SLC30A6: variants seen among roughly 807,000 people sequenced by gnomAD.
SLC30A6 encodes solute carrier family 30 member 6, also known as zinc transporter 6.
In SLC30A6, 55 loss-of-function variants were observed where a neutral mutation model predicts 63.0. The ratio of observed to expected loss-of-function variants is 0.87; its 90% CI spans 0.70 to 1.09. The LOEUF is 1.09. SLC30A6 is among the 50% of genes least tolerant of loss of function. The pLI is 0.00. For synonymous variants in SLC30A6, 224 were observed against 186.1 expected (o/e 1.20, Z -1.66); for missense variants, 587 against 549.2 (o/e 1.07, Z -0.69).
chr2:32,170,744 G>C (rs1172580259), intron 1 of SLC30A6, among the ~76,000 whole-genome samples: 1 of 152,086 alleles, frequency 6.6e-6, no homozygotes, highest in Non-Finnish European at 1.5e-5. Flanking sequence ...TATTACAGGT[G>C]TGCACCACCA....
rs538931209 is a variant in SLC30A6 at position 32,186,139 on chromosome 2, A to G, written c.284+1801A>G. Among the ~76,000 whole-genome samples, 3 of 152,152 alleles carry G rather than the reference A, an allele frequency of 2.0e-5. No homozygotes were observed. In the South Asian group the frequency reaches 6.2e-4, roughly 32 times the overall value. ...AACCTCCACCTACCAGATTCGATCA[A>G]TTCTTATGCCTCAACCTCCAGGGTA... On this transcript the variant is annotated intron_variant, in intron 5 of 13. Coordinates refer to ENST00000282587, the MANE Select transcript of SLC30A6 (RefSeq NM_017964.5).
intron 10 of SLC30A6, among the ~76,000 whole-genome samples, chr2:32,199,190 C>G (rs1184873774): frequency 6.6e-6 from 1 of 152,166 alleles, no homozygotes. Context: ...AATGCTGAAT[C>G]ACATTTTCCA....
At chr2:32,207,739 C>A (rs1450478988) in intron 12 of SLC30A6, among the ~76,000 whole-genome samples, 1 of 121,280 alleles carries the variant, frequency 8.2e-6, no homozygotes, top group Non-Finnish European at 1.6e-5. Flanking sequence ...CTCGCTCTGT[C>A]GCCCAGGCTG....
At chr2:32,205,682 T>TC (rs1222128718) in intron 11 of SLC30A6, among the ~76,000 whole-genome samples, 1 of 148,344 alleles carries the variant, frequency 6.7e-6, no homozygotes, top group African/African-American at 2.5e-5. Flanking sequence ...TTTTTTTTTT[T>TC]TTGAGACAGA....
At chr2:32,208,606 CA>C (rs1320284531) in intron 12 of SLC30A6, among the ~76,000 whole-genome samples, 1 of 149,380 alleles carries the variant, frequency 6.7e-6, no homozygotes, top group Non-Finnish European at 1.5e-5. Context: ...TTTTTTTTTC[CA>C]GGGGGTACAG....
chr2:32,200,382 G>A (rs892772906), intron 10 of SLC30A6, among the ~76,000 whole-genome samples: 1 of 151,922 alleles, frequency 6.6e-6, no homozygotes, highest in African/African-American at 2.4e-5. Flanking sequence ...AACGGGCCAC[G>A]ATGACAATGG....
chr2:32,214,702 T>A (rs1685550348), intron 13 of SLC30A6: 1 of 152,220 alleles, frequency 6.6e-6, no homozygotes, highest in Non-Finnish European at 1.5e-5. Flanking sequence ...TAAAACAAGC[T>A]TTTGAGCTGC....
At chr2:32,205,739 G>A (rs1029181490) in intron 11 of SLC30A6, among the ~76,000 whole-genome samples, 2 of 145,282 alleles carry the variant, frequency 1.4e-5, no homozygotes, top group African/African-American at 5.1e-5. Context: ...CTACACTCAG[G>A]TCACTGCAAC....
intron 7 of SLC30A6, among the ~76,000 whole-genome samples, chr2:32,193,529 G>A (rs950808714): frequency 1.3e-5 from 2 of 152,120 alleles, no homozygotes; most frequent in African/African-American, 4.8e-5. Flanking sequence ...CTCAACCACA[G>A]AGCTGCCAAC....
intron 10 of SLC30A6, chr2:32,201,607 G>A: frequency 2.7e-6 from 4 of 1,502,836 alleles, no homozygotes; most frequent in Non-Finnish European, 3.6e-6. Context: ...GTAATGCCTG[G>A]GAAACTCCTC....
At chr2:32,204,811 A>ATTT (rs71407425) in intron 11 of SLC30A6, 119 bp downstream of exon 11, 403 of 182,786 alleles carry the variant, frequency 2.2e-3, no homozygotes, top group Non-Finnish European at 3.3e-3. Context: ...TTTAATTTTA[A>ATTT]TTTTTTTTTT....
Position 32,197,806 on chromosome 2 carries a change from A to G in SLC30A6, c.645A>G (p.Thr215=), listed in dbSNP as rs374439355. 1.2e-6 allele frequency: 2 copies of G among 1,613,700 alleles called. No individual in the cohort carries two copies. The highest frequency in any genetic ancestry group is 1.1e-5 in the South Asian group (1 of 91,000). The change falls in exon 10 of 14, where the codon ACA becomes ACG. Residue 215 remains threonine, a synonymous_variant. Coordinates refer to ENST00000282587, the MANE Select transcript of SLC30A6 (RefSeq NM_017964.5). ...CTGGAGCATTTGCTCTTTGTATTACATATATGCTCATTGAAATTAAGTGAG... is the reference window on the plus strand; with the variant it reads ...CTGGAGCATTTGCTCTTTGTATTACGTATATGCTCATTGAAATTAAGTGAG... ...DLAGAFALCI[T]YMLIEINNYF...
At position 32,206,920 on chromosome 2, in the gene SLC30A6, A is replaced by G; in HGVS notation, c.803A>G (p.Lys268Arg). The change falls in exon 12 of 14, where the codon AAA becomes AGA. Residue 268 changes from lysine to arginine, a missense_variant. Transcript: ENST00000282587. ...TPPHVIGQLD[K>R]LIREVSTLDG... ...CCCCATGTTATTGGTCAGTTGGACAAACTCATCAGAGAGGTAAGATGGAAT... is the reference window on the plus strand; with the variant it reads ...CCCCATGTTATTGGTCAGTTGGACAGACTCATCAGAGAGGTAAGATGGAAT... 6.2e-7 allele frequency: 1 copy of G among 1,609,778 alleles called. No homozygotes were observed. Among genetic ancestry groups the G allele is most frequent in the African/African-American group, 1.3e-5 (1 of 74,960 alleles).
chr2:32,192,858 A>C, intron 6 of SLC30A6, 60 bp from the exon 7 acceptor site: 1 of 1,108,960 alleles, frequency 9.0e-7, no homozygotes, highest in Non-Finnish European at 1.3e-6. Context: ...GATATATTTA[A>C]TAAAGCTTTT....
chr2:32,181,933 C>CTTTTTTTTTT (rs34589397), intron 4 of SLC30A6, among the ~76,000 whole-genome samples: 1 of 122,934 alleles, frequency 8.1e-6, no homozygotes, highest in Non-Finnish European at 1.7e-5. Context: ...TTTTTCTTTT[C>CTTTTTTTTTT]TTTTTTTTTT....
At position 32,202,613 on chromosome 2, in the gene SLC30A6, G is replaced by A. The variant is rs533078260; in HGVS notation, c.666-1977G>A. 26 of 480,232 alleles carry A rather than the reference G, an allele frequency of 5.4e-5. No homozygotes were observed. The East Asian group carries it at 1.3e-3, about 23-fold the overall frequency. The allele number at this position is 480,232 out of a possible 1,614,324, so 29.7% of individuals were successfully genotyped here. A position where few individuals can be genotyped will look rare whatever the true frequency, so the allele number is the denominator to read the frequency against. Reference sequence around the variant, plus strand: ...CCCAAAGTGCTGGGATTGCAGGCGTGAACCACTGTGCCCAGCTCTGATTGG... The same window carrying A: ...CCCAAAGTGCTGGGATTGCAGGCGTAAACCACTGTGCCCAGCTCTGATTGG... On this transcript the variant is annotated intron_variant, in intron 10 of 13. Transcript: ENST00000282587.
rs1340076757 is a variant in SLC30A6 at position 32,183,168 on chromosome 2, T to C, written c.219-1105T>C. On this transcript the variant is annotated intron_variant, in intron 4 of 13. Coordinates refer to ENST00000282587, the MANE Select transcript of SLC30A6 (RefSeq NM_017964.5). ...CGCCATTGCACTCCAGCCTGGGCGA[T>C]AGAGTGAGACTCCATCTAAAAAAAG... Among the ~76,000 whole-genome samples, 6 of 150,420 alleles carry C rather than the reference T, an allele frequency of 4.0e-5. No homozygotes were observed. The East Asian group carries it at 8.0e-4, about 20-fold the overall frequency.
chr2:32,189,392 A>T (rs1267057051), intron 5 of SLC30A6, among the ~76,000 whole-genome samples: 1 of 150,866 alleles, frequency 6.6e-6, no homozygotes, highest in Non-Finnish European at 1.5e-5. Flanking sequence ...CCCGGATTTA[A>T]GCGATTCTTG....
rs2148924986 is a variant in SLC30A6 at position 32,223,174 on chromosome 2, A to G, written c.*2461A>G. ...GCTCTGACTAACTTCTGGATATGAA[A>G]ATAAGGAACTTGCCCAGCATAGGCC... On this transcript the variant is annotated 3_prime_UTR_variant, in exon 14 of 14. Transcript: ENST00000282587. The G allele has an allele frequency of 6.6e-6, 1 of 152,376 alleles. No individual in the cohort carries two copies. Among genetic ancestry groups the G allele is most frequent in the East Asian group, 1.9e-4 (1 of 5,190 alleles). The allele number at this position is 152,376 out of a possible 1,614,324, so 9.4% of individuals were successfully genotyped here. A position where few individuals can be genotyped will look rare whatever the true frequency, so the allele number is the denominator to read the frequency against.
Sources: gnomAD v4.1 joint callset for allele counts (sites outside exome capture counted in the v4.1 genomes callset) on GRCh38, gnomAD v4.1.1 for gene constraint, MANE v1.5 for transcripts, NCBI Gene and HGNC (gene_info 2026-07-23, HGNC 2026-07-21) for gene names.